The following TTC6 variants were observed in gnomAD, a reference collection of about 807,000 sequenced individuals.
TTC6 encodes tetratricopeptide repeat protein 6.
In TTC6, 172 loss-of-function variants were observed where a neutral mutation model predicts 210.4. That is an observed-to-expected ratio of 0.82 (90% CI 0.72 to 0.93). TTC6 has a LOEUF of 0.93. TTC6 is among the 40% of genes least tolerant of loss of function. TTC6 has a pLI of 0.00. For missense variants in TTC6, 2,414 were observed against 2,318.1 expected, an observed-to-expected ratio of 1.04 and a Z score of -0.85; for synonymous variants, 804 against 819.6, an observed-to-expected ratio of 0.98 and a Z score of 0.32.
intron 2 of TTC6, among the ~76,000 whole-genome samples, chr14:37,608,335 G>A (rs1013067882): frequency 2.0e-5 from 3 of 151,780 alleles, no homozygotes; most frequent in Non-Finnish European, 4.4e-5. Context: ...TTTGAGACAG[G>A]ATCTCATTGT....
At chr14:37,814,907 G>A (rs1160514238) in intron 25 of TTC6, among the ~76,000 whole-genome samples, 2 of 152,146 alleles carry the variant, frequency 1.3e-5, no homozygotes, top group Non-Finnish European at 2.9e-5. Flanking sequence ...AAGCTGACTA[G>A]CTTGAGTGCT....
intron 1 of TTC6, among the ~76,000 whole-genome samples, chr14:37,600,083 G>C (rs896240755): frequency 6.6e-6 from 1 of 152,186 alleles, no homozygotes; most frequent in African/African-American, 2.4e-5. Flanking sequence ...GCCTAGGGGA[G>C]GGACTGGCAA....
intron 14 of TTC6, among the ~76,000 whole-genome samples, chr14:37,763,954 ATTGCT>A (rs150652202): frequency 0.028 from 4,273 of 151,846 alleles, 189 homozygotes; most frequent in African/African-American, 0.098. Flanking sequence ...TACATTTCTC[ATTGCT>A]TTGCTGCATC....
chr14:37,698,642 A>G (rs1228981697), intron 4 of TTC6, among the ~76,000 whole-genome samples: 1 of 152,046 alleles, frequency 6.6e-6, no homozygotes, highest in East Asian at 1.9e-4. Context: ...TTCCTCTTTC[A>G]CATGAACACA....
At chr14:37,842,242 C>A in exon 31 of TTC6, 5 of 1,608,974 alleles carry the variant, frequency 3.1e-6, no homozygotes, top group Non-Finnish European at 4.2e-6. Context: ...GAAGCTATGG[C>A]TGACTATAAC....
intron 29 of TTC6, among the ~76,000 whole-genome samples, chr14:37,839,096 G>A (rs1281495201): frequency 6.6e-6 from 1 of 152,146 alleles, no homozygotes; most frequent in Non-Finnish European, 1.5e-5. Flanking sequence ...GAACAGTGCT[G>A]CAATAAACAT....
At chr14:37,752,388 G>C (rs1300784581) in intron 13 of TTC6, among the ~76,000 whole-genome samples, 1 of 151,908 alleles carries the variant, frequency 6.6e-6, no homozygotes, top group African/African-American at 2.4e-5. Context: ...GTCTAGAAAT[G>C]ACCAAAAAGC....
Position 37,827,371 on chromosome 14 carries a change from T to G in TTC6, c.5298+5T>G. 1 of 1,611,740 alleles carries G rather than the reference T, an allele frequency of 6.2e-7. No homozygotes were observed. Reference sequence around the variant, plus strand: ...CACCACAGGCAGTTTTCCCAGGTAATGTGAGTTTTACTTAACGCTTTCTTT... The same window carrying G: ...CACCACAGGCAGTTTTCCCAGGTAAGGTGAGTTTTACTTAACGCTTTCTTT... On this transcript the variant is annotated splice_donor_5th_base_variant and intron_variant, in intron 29 of 30. Coordinates refer to ENST00000553443, the Ensembl canonical transcript of TTC6.
In TTC6 at chr14:37,604,092, T is replaced by C. The variant is rs139332134; in HGVS notation, c.-234-2571T>C. On this transcript the variant is annotated intron_variant, in intron 1 of 2. Coordinates refer to the TTC6 transcript ENST00000556845. ...GGTATGCCTCCTGTGCTTTGCCTTC[T>C]AGATCTTTTGCATGTTGTCACCATT... 4.8e-4 allele frequency among the ~76,000 whole-genome samples: 73 copies of C among 152,342 alleles called. No homozygotes were observed. In the East Asian group the frequency reaches 0.013, roughly 27 times the overall value.
At chr14:37,706,456 C>CATTTATA (rs2095835679) in intron 5 of TTC6, among the ~76,000 whole-genome samples, 1 of 152,010 alleles carries the variant, frequency 6.6e-6, no homozygotes, top group African/African-American at 2.4e-5. Flanking sequence ...CTTTAAATGC[C>CATTTATA]ATTTATATGC....
chr14:37,685,184 T>C (rs1214456953), intron 3 of TTC6, among the ~76,000 whole-genome samples: 2 of 152,200 alleles, frequency 1.3e-5, no homozygotes, highest in Non-Finnish European at 2.9e-5. Flanking sequence ...TATAAAAATA[T>C]AGATATGATC....
intron 1 of TTC6, among the ~76,000 whole-genome samples, chr14:37,664,386 C>A (rs1595078146): frequency 6.6e-6 from 1 of 150,516 alleles, no homozygotes; most frequent in Non-Finnish European, 1.5e-5. Flanking sequence ...AAGCTGACAA[C>A]AAGAAGCAAT....
intron 3 of TTC6, among the ~76,000 whole-genome samples, chr14:37,692,585 G>A (rs981232915): frequency 5.3e-5 from 8 of 152,190 alleles, no homozygotes; most frequent in Admixed American, 1.3e-4. Context: ...TTTTACCGGT[G>A]TGGTGGCTCA....
intron 25 of TTC6, among the ~76,000 whole-genome samples, chr14:37,817,240 A>G (rs1056214164): frequency 2.0e-5 from 3 of 152,188 alleles, no homozygotes; most frequent in Non-Finnish European, 4.4e-5. Context: ...GGGAATAAAC[A>G]ATAGAAAGAA....
chr14:37,617,544 G>A (rs886888620), upstream of TTC6, among the ~76,000 whole-genome samples: 10 of 152,066 alleles, frequency 6.6e-5, no homozygotes, highest in Non-Finnish European at 1.5e-4. Context: ...AGCTAAACAA[G>A]TATAGAAAGT....
chr14:37,718,323 A>T (rs1346999153), intron 6 of TTC6, among the ~76,000 whole-genome samples: 1 of 152,320 alleles, frequency 6.6e-6, no homozygotes, highest in South Asian at 2.1e-4. Context: ...AAATTGCATG[A>T]TCATATTAAT....
At chr14:37,622,657 G>A (rs1475787788) in exon 1 of TTC6, 1 of 1,535,188 alleles carries the variant, frequency 6.5e-7, no homozygotes, top group Non-Finnish European at 8.7e-7. Flanking sequence ...GCAGGGCCCT[G>A]CATGGCCAAA....
At chr14:37,695,931 G>C (rs1283940127) in intron 3 of TTC6, among the ~76,000 whole-genome samples, 4 of 152,106 alleles carry the variant, frequency 2.6e-5, no homozygotes, top group Non-Finnish European at 5.9e-5. Context: ...TAAGTGCATA[G>C]ATATGGGATG....
At chr14:37,701,296 T>C (rs958003161) in intron 4 of TTC6, 36 bp from the exon 7 acceptor site, 2 of 1,331,626 alleles carry the variant, frequency 1.5e-6, no homozygotes, top group Non-Finnish European at 1.9e-6. Flanking sequence ...GTCCACAAAA[T>C]GATGAAAGGA....
Sources: allele counts gnomAD v4.1 joint callset (sites outside exome capture counted in the v4.1 genomes callset), GRCh38; gene constraint gnomAD v4.1.1; transcripts MANE v1.5; gene names NCBI Gene and HGNC (gene_info 2026-07-23, HGNC 2026-07-21).